Variants in RAB5A observed in about 807,000 individuals in gnomAD.
RAB5A encodes RAB5A, member RAS oncogene family.
Under a neutral mutation model 25.7 loss-of-function variants are expected in RAB5A, and 8 were observed. The ratio of observed to expected loss-of-function variants is 0.31; its 90% CI spans 0.18 to 0.56. The LOEUF is 0.56. RAB5A is among the 20% of genes least tolerant of loss of function. The pLI, the probability that RAB5A is intolerant of heterozygous loss-of-function variation, is 0.91. For missense variants in RAB5A, 192 were observed against 259.7 expected (o/e 0.74, Z 1.79); for synonymous variants, 98 against 89.8 (o/e 1.09, Z -0.52).
At chr3:19,971,028 C>G (rs193256742) in intron 2 of RAB5A, among the ~76,000 whole-genome samples, 2 of 152,130 alleles carry the variant, frequency 1.3e-5, no homozygotes, top group African/African-American at 4.8e-5. Flanking sequence ...GAAACCCCAT[C>G]TCTACTAAAA....
At chr3:19,959,448 A>G (rs944629742) in intron 2 of RAB5A, among the ~76,000 whole-genome samples, 3 of 151,554 alleles carry the variant, frequency 2.0e-5, no homozygotes, top group Non-Finnish European at 4.4e-5. Context: ...ACTAATTTAT[A>G]TATATATATA....
chr3:19,978,215 T>A (rs1173083896), intron 4 of RAB5A, 95 bp from the exon 5 acceptor site: 9 of 818,908 alleles, frequency 1.1e-5, no homozygotes, highest in Non-Finnish European at 1.9e-5. Context: ...GTTGTAGTAA[T>A]AAGAAAGTCT....
intron 5 of RAB5A, 73 bp from the exon 6 acceptor site, chr3:19,983,635 T>G (rs1696975551): frequency 9.8e-7 from 1 of 1,024,228 alleles, no homozygotes; most frequent in Non-Finnish European, 1.5e-6. Context: ...AAAGAAAAAT[T>G]ATAGATAAGC....
chr3:19,979,286 CTT>C (rs780232080), intron 5 of RAB5A, among the ~76,000 whole-genome samples: 25 of 120,214 alleles, frequency 2.1e-4, no homozygotes, highest in Admixed American at 1.7e-4. Flanking sequence ...AAGGTACTTT[CTT>C]TTTTTTTTTT....
Position 19,984,077 on chromosome 3 carries a change from G to A in RAB5A, c.*254G>A, listed in dbSNP as rs370349387. On this transcript the variant is annotated 3_prime_UTR_variant, in exon 6 of 6. Coordinates refer to ENST00000273047, the MANE Select transcript of RAB5A (RefSeq NM_004162.5). ...ACTTGTTTCATTGGAAGGTTAGGGGGAATAATTTCTCATCACTAGGAATAT... is the reference window on the plus strand; with the variant it reads ...ACTTGTTTCATTGGAAGGTTAGGGGAAATAATTTCTCATCACTAGGAATAT... The A allele has an allele frequency of 2.3e-6, 1 of 428,720 alleles. No individual in the cohort carries two copies. The highest frequency in any genetic ancestry group is 4.0e-5 in the Admixed American group (1 of 24,958). The allele number at this position is 428,720 out of a possible 1,614,324, so 26.6% of individuals were successfully genotyped here.
chr3:19,975,864 C>CT (rs1291449416), intron 3 of RAB5A, 112 bp downstream of exon 3: 220 of 1,342,680 alleles, frequency 1.6e-4, no homozygotes, highest in Non-Finnish European at 2.1e-4. Flanking sequence ...GACCTTTCTG[C>CT]TGAAGCTTTT....
At chr3:19,979,047 G>T (rs1365758716) in intron 5 of RAB5A, among the ~76,000 whole-genome samples, 1 of 151,850 alleles carries the variant, frequency 6.6e-6, no homozygotes, top group Non-Finnish European at 1.5e-5. Context: ...TACGATCTCA[G>T]CTCACTGCAA....
intron 5 of RAB5A, 92 bp from the exon 6 acceptor site, chr3:19,983,616 C>A (rs1177830249): frequency 3.4e-6 from 3 of 875,508 alleles, no homozygotes; most frequent in Non-Finnish European, 5.6e-6. Flanking sequence ...TTGGGGGTAA[C>A]CTAACTGGAA....
In RAB5A at chr3:19,948,960, G is replaced by A. The variant is rs1424524533; in HGVS notation, c.-94+1439G>A. On this transcript the variant is annotated intron_variant, in intron 1 of 5. Transcript: ENST00000273047. ...ATTTTATCATTTTCTTATCAAAGGA[G>A]CACATTATTGGCAATTTCAATCCCT... Among the ~76,000 whole-genome samples, 3 of 152,108 alleles carry A rather than the reference G, an allele frequency of 2.0e-5. No individual in the cohort carries two copies. The East Asian group carries it at 5.8e-4, about 29-fold the overall frequency.
chr3:19,955,247 A>G (rs1696482987), intron 2 of RAB5A, among the ~76,000 whole-genome samples: 1 of 152,326 alleles, frequency 6.6e-6, no homozygotes, highest in East Asian at 1.9e-4. Flanking sequence ...GTATGCACTA[A>G]TCAAAAAATG....
At chr3:19,965,011 A>C (rs1482550677) in intron 2 of RAB5A, among the ~76,000 whole-genome samples, 1 of 152,156 alleles carries the variant, frequency 6.6e-6, no homozygotes, top group African/African-American at 2.4e-5. Flanking sequence ...GCTCACTGCA[A>C]CATCTGCCTC....
In RAB5A at chr3:19,981,845, A is replaced by C. The variant is rs183934535; in HGVS notation, c.533-1863A>C. ...TGACAAGCCACACTCATCGGACTCA[A>C]ATAAAATTAAGAAATAGTTTTTGGA... On this transcript the variant is annotated intron_variant, in intron 5 of 5. Transcript: ENST00000273047. Among the ~76,000 whole-genome samples the C allele has an allele frequency of 5.6e-3, 859 of 152,262 alleles. 2 individuals carry two copies. Among genetic ancestry groups the C allele is most frequent in the Admixed American group, 0.012 (176 of 15,292 alleles).
chr3:19,967,797 C>A (rs748227481), intron 2 of RAB5A, among the ~76,000 whole-genome samples: 34 of 152,104 alleles, frequency 2.2e-4, no homozygotes, highest in Admixed American at 2.2e-3. Context: ...CTCTTCCTCA[C>A]ATTAATTGCA....
Position 19,984,527 on chromosome 3 carries a change from C to G in RAB5A, c.*704C>G, listed in dbSNP as rs1350794984. 5.6e-6 allele frequency: 1 copy of G among 179,920 alleles called. No homozygotes were observed. The highest frequency in any genetic ancestry group is 1.2e-5 in the Non-Finnish European group (1 of 86,178). 11.1% of individuals were successfully genotyped at this position (179,920 alleles called of 1,614,324 possible). On this transcript the variant is annotated 3_prime_UTR_variant, in exon 6 of 6. Transcript: ENST00000273047. ...AGTGTTCCTTTCAAACATGTGAGTTCTTTAACAAAAATGAAATAAACCAGG... is the reference window on the plus strand; with the variant it reads ...AGTGTTCCTTTCAAACATGTGAGTTGTTTAACAAAAATGAAATAAACCAGG...
At chr3:19,957,522 G>A (rs1696521514) in intron 2 of RAB5A, among the ~76,000 whole-genome samples, 1 of 151,446 alleles carries the variant, frequency 6.6e-6, no homozygotes, top group African/African-American at 2.4e-5. Flanking sequence ...CATTAGCTGG[G>A]CGTGGTCGCG....
intron 2 of RAB5A, among the ~76,000 whole-genome samples, chr3:19,951,661 A>G (rs537443984): frequency 4.8e-5 from 7 of 146,320 alleles, no homozygotes; most frequent in African/African-American, 1.8e-4. Context: ...CCTCCCACCA[A>G]GTAGTTGGAC....
At chr3:19,966,481 A>G (rs184999272) in intron 2 of RAB5A, among the ~76,000 whole-genome samples, 13 of 152,324 alleles carry the variant, frequency 8.5e-5, no homozygotes, top group African/African-American at 3.1e-4. Context: ...TGTTATGAAT[A>G]ATGTTGCTGT....
Position 19,958,212 on chromosome 3 carries a change from A to G in RAB5A, c.163+7151A>G, listed in dbSNP as rs1430790484. Among the ~76,000 whole-genome samples, 3 of 152,206 alleles carry G rather than the reference A, an allele frequency of 2.0e-5. No individual in the cohort carries two copies. The East Asian group carries it at 5.8e-4, about 29-fold the overall frequency. ...ACTTTCTGATACATTGATAGTTAAA[A>G]TTTGTGGAAGTTAATCATTTGGTTT... On this transcript the variant is annotated intron_variant, in intron 2 of 5. Transcript: ENST00000273047.
chr3:19,966,667 A>G (rs1696666891), intron 2 of RAB5A, among the ~76,000 whole-genome samples: 2 of 152,186 alleles, frequency 1.3e-5, no homozygotes, highest in Admixed American at 1.3e-4. Flanking sequence ...ATGATCACCC[A>G]CACTTTACCT....
Sources: gnomAD v4.1 joint callset for allele counts (sites outside exome capture counted in the v4.1 genomes callset) on GRCh38, gnomAD v4.1.1 for gene constraint, MANE v1.5 for transcripts, NCBI Gene and HGNC (gene_info 2026-07-23, HGNC 2026-07-21) for gene names.